Variants in CPS1 observed in about 807,000 individuals in gnomAD.
The protein encoded by CPS1 is carbamoyl-phosphate synthase 1, also known as carbamoyl-phosphate synthase [ammonia], mitochondrial.
In CPS1, 109 loss-of-function variants were observed where a neutral mutation model predicts 174.6. The ratio of observed to expected loss-of-function variants is 0.62; its 90% CI spans 0.53 to 0.73. The LOEUF (loss-of-function observed/expected upper bound fraction) is 0.73, where lower values mean the gene tolerates loss of function less well. Ranked by LOEUF, CPS1 falls within the 30% of genes least tolerant of loss-of-function variation. CPS1 has a pLI of 0.00. For synonymous variants in CPS1, 637 were observed against 632.0 expected (o/e 1.01, Z -0.12); for missense variants, 1,689 against 1,821.9 (o/e 0.93, Z 1.33).
chr2:210,479,530 T>C (rs1384121838), intron 1 of CPS1, among the ~76,000 whole-genome samples: 2 of 152,122 alleles, frequency 1.3e-5, no homozygotes, highest in Non-Finnish European at 2.9e-5. Flanking sequence ...GGTTTCACCA[T>C]GTTGGCCAGG....
chr2:210,591,716 A>C (rs932954919), intron 9 of CPS1, 115 bp from the exon 10 acceptor site: 2 of 1,096,324 alleles, frequency 1.8e-6, no homozygotes, highest in African/African-American at 1.6e-5. Context: ...TTCACTAAGC[A>C]ATTGAAATTT....
chr2:210,545,629 T>A (rs1457760586), intron 1 of CPS1, among the ~76,000 whole-genome samples: 2 of 152,116 alleles, frequency 1.3e-5, no homozygotes. Context: ...CATGCTTTTA[T>A]CTTTTATATG....
intron 29 of CPS1, among the ~76,000 whole-genome samples, chr2:210,654,409 A>G (rs567661712): frequency 6.6e-6 from 1 of 152,054 alleles, no homozygotes; most frequent in African/African-American, 2.4e-5. Context: ...CTTTCCTTTT[A>G]TGTTTCAATG....
intron 18 of CPS1, among the ~76,000 whole-genome samples, chr2:210,607,908 G>A (rs766530216): frequency 1.3e-5 from 2 of 151,828 alleles, no homozygotes; most frequent in African/African-American, 2.4e-5. Flanking sequence ...AACTTGAAAT[G>A]CCTACATTTT....
At chr2:210,499,547 C>G (rs1465170606) in intron 1 of CPS1, among the ~76,000 whole-genome samples, 1 of 152,194 alleles carries the variant, frequency 6.6e-6, no homozygotes, top group African/African-American at 2.4e-5. Flanking sequence ...GCCACGGTGC[C>G]AGATTGCCAA....
In CPS1 at chr2:210,540,140, GA is replaced by G. The variant is rs560781868; in HGVS notation, c.4-16577del. On this transcript the variant is annotated intron_variant, in intron 1 of 38. Transcript: ENST00000430249. The stretch of plus-strand genomic sequence containing the variant: ...GTTATGATAAGTTAAAGCAGTTTAA[GA>G]ATTTAACGAACTCCCCTCTCCCTGA... Among the ~76,000 whole-genome samples the G allele has an allele frequency of 3.6e-3, 549 of 152,236 alleles. 5 individuals are homozygous for G. Among genetic ancestry groups the G allele is most frequent in the African/African-American group, 0.012 (495 of 41,556 alleles).
rs1302084677 is a variant in CPS1, at chr2:210,612,290, C to G, written c.2565C>G (p.Ala855=). 6.2e-7 allele frequency: 1 copy of G among 1,611,642 alleles called. No homozygotes were observed. Among genetic ancestry groups the G allele is most frequent in the South Asian group, 1.1e-5 (1 of 91,032 alleles). The change falls in exon 20 of 38, where the codon GCC becomes GCG. Residue 855 remains alanine, a synonymous_variant. Coordinates refer to ENST00000233072, the MANE Select transcript of CPS1 (RefSeq NM_001875.5). ...GCAGCACGCGTATCTATGCCATTGCCAAGGTAAGATGTTACAAGGGGCCCA... is the reference window on the plus strand; with the variant it reads ...GCAGCACGCGTATCTATGCCATTGCGAAGGTAAGATGTTACAAGGGGCCCA... ...EPSSTRIYAI[A]KAIDDNMSLD...
In CPS1 at chr2:210,606,814, C is replaced by T. The variant is rs147443001; in HGVS notation, c.2065C>T (p.Arg689Cys). 3.0e-5 allele frequency: 49 copies of T among 1,612,492 alleles called. No individual in the cohort carries two copies. The highest frequency in any genetic ancestry group is 1.6e-4 in the Middle Eastern group (1 of 6,072). The change falls in exon 18 of 38, where the codon CGC becomes TGC. Residue 689 changes from arginine to cysteine, a missense_variant. Coordinates refer to ENST00000233072, the MANE Select transcript of CPS1 (RefSeq NM_001875.5). ...GAGACGTACTTCAATCAATGTTGTT[C>T]GCCACTTGGGCATTGTGGGTGAATG... is the stretch of plus-strand genomic sequence containing the variant. ...MLRRTSINVV[R>C]HLGIVGECNI...
At chr2:210,675,865 T>G (rs2105944323) in intron 36 of CPS1, 25 bp downstream of exon 36, 1 of 1,057,096 alleles carries the variant, frequency 9.5e-7, no homozygotes, top group Non-Finnish European at 1.5e-6. Flanking sequence ...TACTGTTTTC[T>G]GAAATAATTT....
intron 29 of CPS1, among the ~76,000 whole-genome samples, chr2:210,655,739 G>A (rs1700683546): frequency 6.6e-6 from 1 of 152,134 alleles, no homozygotes; most frequent in Non-Finnish European, 1.5e-5. Context: ...ACAGAAGGAT[G>A]GAAACTCAAA....
At chr2:210,632,662 T>C (rs1040238652) in intron 21 of CPS1, among the ~76,000 whole-genome samples, 4 of 152,200 alleles carry the variant, frequency 2.6e-5, no homozygotes, top group African/African-American at 9.6e-5. Flanking sequence ...TGTGCCTCTC[T>C]AATGGCCCTG....
intron 28 of CPS1, among the ~76,000 whole-genome samples, chr2:210,651,808 CA>C (rs1700568014): frequency 6.6e-6 from 1 of 152,148 alleles, no homozygotes; most frequent in Non-Finnish European, 1.5e-5. Flanking sequence ...CCCAATCAAT[CA>C]GTAATCTATG....
chr2:210,535,822 T>TTG (rs1289089058), intron 1 of CPS1, among the ~76,000 whole-genome samples: 1 of 115,800 alleles, frequency 8.6e-6, no homozygotes, highest in Non-Finnish European at 1.7e-5. Flanking sequence ...TTTCCTTGTT[T>TTG]TTTTTTTTTT....
Position 210,678,093 on chromosome 2 carries a change from T to A in CPS1, c.*108T>A. ...ATGAATATTGATAACTAAACTTCAT[T>A]TCAGTTTACTTTGTTATGCCTTAAT... On this transcript the variant is annotated 3_prime_UTR_variant, in exon 38 of 38. Transcript: ENST00000233072. 1.1e-6 allele frequency: 1 copy of A among 881,642 alleles called. No homozygotes were observed. Among genetic ancestry groups the A allele is most frequent in the Non-Finnish European group, 1.9e-6 (1 of 513,284 alleles). The allele number at this position is 881,642 out of a possible 1,614,324, so 54.6% of individuals were successfully genotyped here.
intron 7 of CPS1, 138 bp from the exon 8 acceptor site, chr2:210,589,968 C>T: frequency 8.4e-7 from 1 of 1,183,850 alleles, no homozygotes. Context: ...GAAATTTTTG[C>T]TCAGCATTAT....
intron 28 of CPS1, 64 bp downstream of exon 28, chr2:210,650,502 TTAA>T: frequency 8.7e-7 from 1 of 1,152,434 alleles, no homozygotes; most frequent in Non-Finnish European, 1.3e-6. Flanking sequence ...CATTTATCTC[TTAA>T]TAAAATGTAG....
intron 7 of CPS1, among the ~76,000 whole-genome samples, chr2:210,588,566 T>C (rs939313688): frequency 1.3e-5 from 2 of 152,090 alleles, no homozygotes; most frequent in African/African-American, 4.8e-5. Flanking sequence ...ACTTTCACAT[T>C]GTTTTTATAT....
At chr2:210,491,600 A>G (rs970073369) in intron 1 of CPS1, among the ~76,000 whole-genome samples, 1 of 152,086 alleles carries the variant, frequency 6.6e-6, no homozygotes, top group Non-Finnish European at 1.5e-5. Flanking sequence ...GGCATGAGCC[A>G]CCGCACCTGG....
chr2:210,482,512 C>T (rs184433054), intron 1 of CPS1, among the ~76,000 whole-genome samples: 13 of 152,150 alleles, frequency 8.5e-5, no homozygotes, highest in African/African-American at 3.1e-4. Context: ...CCATGTACCC[C>T]AGGCTGATCC....
Sources: gnomAD v4.1 joint callset for allele counts (sites outside exome capture counted in the v4.1 genomes callset) on GRCh38, gnomAD v4.1.1 for gene constraint, MANE v1.5 for transcripts, NCBI Gene and HGNC (gene_info 2026-07-23, HGNC 2026-07-21) for gene names.